DCUN1D2: variants seen among roughly 807,000 people sequenced by gnomAD.
DCUN1D2 encodes the protein defective in cullin neddylation 1 domain containing 2.
In DCUN1D2, 29 loss-of-function variants were observed where a neutral mutation model predicts 30.9. The ratio of observed to expected loss-of-function variants is 0.94; its 90% CI spans 0.70 to 1.28. The LOEUF (loss-of-function observed/expected upper bound fraction) is 1.28. Ranked by LOEUF, DCUN1D2 falls within the 50% of genes most tolerant of loss-of-function variation. The probability of loss-of-function intolerance (pLI) is 0.00; values close to 1 mark genes in which losing one functional copy is unlikely to be tolerated. For synonymous variants in DCUN1D2, 121 were observed against 115.3 expected, an observed-to-expected ratio of 1.05 and a Z score of -0.32; for missense variants, 325 against 316.9, an observed-to-expected ratio of 1.03 and a Z score of -0.19.
At chr13:113,487,881 T>C (rs2044836164) in intron 1 of DCUN1D2, among the ~76,000 whole-genome samples, 1 of 152,244 alleles carries the variant, frequency 6.6e-6, no homozygotes, top group Admixed American at 6.5e-5. Flanking sequence ...TTCAACATTG[T>C]ACCCTCAGAC....
intron 5 of DCUN1D2, 79 bp downstream of exon 5, chr13:113,460,975 G>T: frequency 1.2e-6 from 1 of 859,724 alleles, no homozygotes; most frequent in South Asian, 1.6e-5. Context: ...GAGACCTGAG[G>T]TGGATGATTA....
upstream of DCUN1D2, chr13:113,491,298 G>A (rs1436674406): frequency 6.5e-6 from 1 of 152,756 alleles, no homozygotes; most frequent in Non-Finnish European, 1.5e-5. Flanking sequence ...CGTCCATCCG[G>A]GGCTCTTTCC....
At chr13:113,480,365 A>G in intron 3 of DCUN1D2, 1 of 450,806 alleles carries the variant, frequency 2.2e-6, no homozygotes, top group East Asian at 3.6e-5. Context: ...ATATGAAAAA[A>G]ATAAAAATGT....
intron 4 of DCUN1D2, among the ~76,000 whole-genome samples, chr13:113,472,293 A>T (rs984907379): frequency 1.3e-5 from 2 of 151,992 alleles, no homozygotes; most frequent in South Asian, 2.1e-4. Flanking sequence ...GAACAAAAAT[A>T]AAAAAAATAA....
At chr13:113,458,361 G>A (rs72666961) in intron 6 of DCUN1D2, among the ~76,000 whole-genome samples, 8,542 of 152,280 alleles carry the variant, frequency 0.056, 335 homozygotes, top group East Asian at 0.11. Flanking sequence ...CCGGATGCTC[G>A]GTGAGTGCCC....
chr13:113,480,543 G>A, intron 3 of DCUN1D2, 32 bp downstream of exon 3: 1 of 1,608,898 alleles, frequency 6.2e-7, no homozygotes, highest in Non-Finnish European at 8.5e-7. Flanking sequence ...TTTCATTTCT[G>A]AAAACATTTA....
intron 3 of DCUN1D2, among the ~76,000 whole-genome samples, chr13:113,478,007 T>A (rs1034749933): frequency 6.6e-6 from 1 of 152,240 alleles, no homozygotes; most frequent in African/African-American, 2.4e-5. Context: ...GGCCTATAAT[T>A]TTCCATTCTC....
At chr13:113,478,170 C>T (rs757725688) in intron 3 of DCUN1D2, among the ~76,000 whole-genome samples, 56 of 152,176 alleles carry the variant, frequency 3.7e-4, no homozygotes, top group Non-Finnish European at 6.6e-4. Context: ...ATTAAGTCAT[C>T]CCAAACAGGA....
In DCUN1D2 at chr13:113,484,029, T is replaced by A. The variant is rs1324732375; in HGVS notation, c.31A>T (p.Lys11Ter). ...GTGCACGCCATAAACTGGCGGACCT[T>A]GTCCTTCTGAGACGATTTAAGCTTA... The part of the protein sequence containing the change: MHKLKSSQKD[K>*]VRQFMACTQA... The change falls in exon 2 of 7, where the codon AAG becomes TAG. Residue 11 changes from lysine (K) to a stop codon, truncating the protein, a stop_gained. Coordinates refer to ENST00000478244, the MANE Select transcript of DCUN1D2 (RefSeq NM_001014283.2). LOFTEE classifies it high-confidence loss of function. 6.2e-7 allele frequency: 1 copy of A among 1,614,092 alleles called. No homozygotes were observed. The highest frequency in any genetic ancestry group is 1.1e-5 in the South Asian group (1 of 91,088).
intron 4 of DCUN1D2, among the ~76,000 whole-genome samples, chr13:113,463,791 C>T (rs983222433): frequency 9.9e-5 from 15 of 151,752 alleles, no homozygotes; most frequent in African/African-American, 3.6e-4. Context: ...CACACAGAGA[C>T]ACACAGACAT....
intron 3 of DCUN1D2, among the ~76,000 whole-genome samples, chr13:113,475,003 T>C (rs1245514565): frequency 2.0e-5 from 3 of 152,056 alleles, no homozygotes; most frequent in Non-Finnish European, 4.4e-5. Flanking sequence ...AAGGCAGAAA[T>C]CGACAACAGT....
intron 1 of DCUN1D2, among the ~76,000 whole-genome samples, chr13:113,485,890 T>C (rs1172624706): frequency 6.6e-6 from 1 of 152,090 alleles, no homozygotes; most frequent in Non-Finnish European, 1.5e-5. Flanking sequence ...GAGGCCTCCG[T>C]GGGCTGCAAG....
In DCUN1D2 at chr13:113,458,482, C is replaced by T. The variant is rs115988996; in HGVS notation, c.701-374G>A. On this transcript the variant is annotated intron_variant, in intron 6 of 6. Coordinates refer to ENST00000478244, the MANE Select transcript of DCUN1D2 (RefSeq NM_001014283.2). ...TGCCAGCAGGGGGTGCTCCCTCCTG[C>T]GGCTCTTCCCAAGTGGGACCACCCC... 3.8e-3 allele frequency among the ~76,000 whole-genome samples: 573 copies of T among 152,328 alleles called. 5 individuals carry two copies. The highest frequency in any genetic ancestry group is 0.013 in the African/African-American group (553 of 41,586).
intron 4 of DCUN1D2, among the ~76,000 whole-genome samples, chr13:113,472,653 C>A (rs2044542251): frequency 6.6e-6 from 1 of 152,226 alleles, no homozygotes; most frequent in South Asian, 2.1e-4. Flanking sequence ...AGAAAGACTT[C>A]CTTCTGGGAT....
At chr13:113,458,602 C>T (rs1314904323) in intron 6 of DCUN1D2, among the ~76,000 whole-genome samples, 1 of 152,248 alleles carries the variant, frequency 6.6e-6, no homozygotes, top group African/African-American at 2.4e-5. Context: ...CAATGAGATT[C>T]AGTGATCCCT....
intron 4 of DCUN1D2, among the ~76,000 whole-genome samples, chr13:113,464,209 T>C (rs2044365339): frequency 6.6e-6 from 1 of 152,218 alleles, no homozygotes; most frequent in South Asian, 2.1e-4. Context: ...CAGTAATGCT[T>C]CCCATCCTAT....
intron 3 of DCUN1D2, among the ~76,000 whole-genome samples, chr13:113,474,827 G>A (rs560980494): frequency 1.3e-5 from 2 of 152,148 alleles, no homozygotes; most frequent in East Asian, 3.8e-4. Context: ...TCATACAAGC[G>A]AAAAACAAAC....
Position 113,490,476 on chromosome 13 carries a change from G to T in DCUN1D2, c.3+191C>A. Reference sequence around the variant, plus strand: ...GCTCCGGGTCAAACCCGCGCTCCCCGCGGTCCCGCGCCTCCGACGCCACCG... The same window carrying T: ...GCTCCGGGTCAAACCCGCGCTCCCCTCGGTCCCGCGCCTCCGACGCCACCG... On this transcript the variant is annotated intron_variant, in intron 1 of 6. Coordinates refer to ENST00000478244, the MANE Select transcript of DCUN1D2 (RefSeq NM_001014283.2). The surrounding 1 kb of genome is among the most constrained non-coding windows in gnomAD (Gnocchi z 5.2). 1.8e-6 allele frequency: 1 copy of T among 541,492 alleles called. No homozygotes were observed. The highest frequency in any genetic ancestry group is 2.8e-6 in the Non-Finnish European group (1 of 362,610). The allele number at this position is 541,492 out of a possible 1,614,324, so 33.5% of individuals were successfully genotyped here. A position where few individuals can be genotyped will look rare whatever the true frequency, so the allele number is the denominator to read the frequency against.
intron 3 of DCUN1D2, among the ~76,000 whole-genome samples, chr13:113,478,054 T>C (rs2044647339): frequency 6.6e-6 from 1 of 152,246 alleles, no homozygotes; most frequent in African/African-American, 2.4e-5. Flanking sequence ...CAGCTTTTGC[T>C]GGCCTTAAAA....
Sources: gnomAD v4.1 joint callset for allele counts (sites outside exome capture counted in the v4.1 genomes callset) on GRCh38, gnomAD v4.1.1 for gene constraint, Gnocchi (gnomAD v3.1) non-coding constraint, MANE v1.5 for transcripts, NCBI Gene and HGNC (gene_info 2026-07-23, HGNC 2026-07-21) for gene names.